Variants in WDR59 observed in about 807,000 individuals in gnomAD.
WDR59 encodes the protein GATOR2 complex protein WDR59.
A neutral mutation model predicts 131.2 loss-of-function variants in WDR59; 100 were observed. That is an observed-to-expected ratio of 0.76 (90% CI 0.65 to 0.90). The LOEUF is 0.90. WDR59 is among the 40% of genes least tolerant of loss of function. WDR59 has a pLI of 0.00. For synonymous variants in WDR59, 601 were observed against 466.2 expected (o/e 1.29, Z -3.72); for missense variants, 1,203 against 1,262.2 (o/e 0.95, Z 0.71).
chr16:74,970,494 CCAAAAAAAAAAAAAAAAAAAAA>C (rs1337954645), intron 1 of WDR59, among the ~76,000 whole-genome samples: 5 of 103,822 alleles, frequency 4.8e-5, no homozygotes, highest in African/African-American at 9.3e-5. Context: ...GACTCTGTCT[CCAAAAAAAAAAAAAAAAAAAAA>C]AAAAAAAAAA....
rs1433583872 is a variant in WDR59 at position 74,923,990 on chromosome 16, C to A, written c.665G>T (p.Arg222Leu). 6.2e-7 allele frequency: 1 copy of A among 1,613,188 alleles called. No individual in the cohort carries two copies. Among genetic ancestry groups the A allele is most frequent in the African/African-American group, 1.3e-5 (1 of 74,870 alleles). The change falls in exon 9 of 26, where the codon CGC (arginine) becomes CTC (leucine). Residue 222 changes from arginine (R) to leucine (L), a missense_variant. Physicochemically the swap from Arg to Leu is moderately radical, Grantham distance 102. Transcript: ENST00000262144. ...AATATTGAGGTATTTCCGAGGCTGG[C>A]GGTAATCCCAGAACTAGAAGAGAGC... Reference protein sequence around the residue: ...QDNSVKFWDYRQPRKYLNILP... With the variant: ...QDNSVKFWDYLQPRKYLNILP...
intron 7 of WDR59, among the ~76,000 whole-genome samples, chr16:74,939,584 A>G (rs2032064135): frequency 6.6e-6 from 1 of 152,084 alleles, no homozygotes; most frequent in African/African-American, 2.4e-5. Context: ...CCAAAATGTT[A>G]GCATTTGTCT....
intron 1 of WDR59, among the ~76,000 whole-genome samples, chr16:74,981,523 A>T (rs2034402890): frequency 1.3e-5 from 2 of 149,380 alleles, no homozygotes; most frequent in Non-Finnish European, 3.0e-5. Flanking sequence ...GCACCACTGC[A>T]TTCCAGCCTG....
chr16:74,896,435 C>T (rs1441883865), intron 18 of WDR59, among the ~76,000 whole-genome samples: 5 of 152,116 alleles, frequency 3.3e-5, no homozygotes, highest in Non-Finnish European at 7.4e-5. Flanking sequence ...TCGAGACCAG[C>T]CCGGCCCTGG....
chr16:74,974,517 C>T lies in WDR59; in HGVS notation c.55-8695G>A, dbSNP rs979960829. 1.3e-4 allele frequency among the ~76,000 whole-genome samples: 19 copies of T among 151,954 alleles called. 1 individual carries two copies. In the South Asian group the frequency reaches 1.5e-3, roughly 12 times the overall value. On this transcript the variant is annotated intron_variant, in intron 1 of 25. Transcript: ENST00000262144. ...AGTATGCAGAAAAGAGTTGGCACAGCGGGCATGAGGCTACTACTATCCTTG... is the reference window on the plus strand; with the variant it reads ...AGTATGCAGAAAAGAGTTGGCACAGTGGGCATGAGGCTACTACTATCCTTG...
At chr16:74,908,639 G>A in intron 17 of WDR59, 1 of 364,066 alleles carries the variant, frequency 2.7e-6, no homozygotes, top group Admixed American at 4.6e-5. Context: ...AGCAATAGGG[G>A]AAAGGCACAT....
At chr16:74,942,646 C>T in intron 7 of WDR59, 92 bp downstream of exon 7, 2 of 1,274,700 alleles carry the variant, frequency 1.6e-6, no homozygotes, top group Non-Finnish European at 2.3e-6. Flanking sequence ...GTTCCCCAGA[C>T]TCTCAAGCCA....
intron 1 of WDR59, among the ~76,000 whole-genome samples, chr16:74,968,089 C>T (rs2033845174): frequency 6.6e-6 from 1 of 152,096 alleles, no homozygotes; most frequent in Non-Finnish European, 1.5e-5. Flanking sequence ...CAGATGAACT[C>T]ATAGAAACAA....
chr16:74,928,094 G>C (rs2031026470), intron 8 of WDR59, among the ~76,000 whole-genome samples: 1 of 151,418 alleles, frequency 6.6e-6, no homozygotes, highest in Non-Finnish European at 1.5e-5. Flanking sequence ...TTTTAGTAGA[G>C]ACAGGGTTTC....
chr16:74,915,998 G>A lies in WDR59; in HGVS notation c.1100-4C>T, dbSNP rs770943087. The A allele has an allele frequency of 6.2e-7, 1 of 1,614,202 alleles. No homozygotes were observed. The highest frequency in any genetic ancestry group is 8.5e-7 in the Non-Finnish European group (1 of 1,180,034). The stretch of plus-strand genomic sequence containing the variant: ...CTAGGGGGATCTTCTTTTAGGGCTA[G>A]CAGGAGAGAGAAGTTCAATGTTGGA... On this transcript the variant is annotated splice_region_variant and splice_polypyrimidine_tract_variant and intron_variant, in intron 12 of 25. Coordinates refer to ENST00000262144, the MANE Select transcript of WDR59 (RefSeq NM_030581.4).
At chr16:74,904,615 T>C (rs1326484998) in intron 17 of WDR59, among the ~76,000 whole-genome samples, 1 of 150,320 alleles carries the variant, frequency 6.7e-6, no homozygotes, top group Non-Finnish European at 1.5e-5. Flanking sequence ...ATCTACAGAG[T>C]CAACACAATT....
chr16:74,964,109 G>A (rs928939239), intron 2 of WDR59, among the ~76,000 whole-genome samples: 9 of 152,000 alleles, frequency 5.9e-5, no homozygotes, highest in African/African-American at 1.7e-4. Flanking sequence ...TGCCAAGCAC[G>A]GTGGCTCACA....
chr16:74,918,049 T>G lies in WDR59; in HGVS notation c.887-41A>C, dbSNP rs1207458970. 7 of 1,592,448 alleles carry G rather than the reference T, an allele frequency of 4.4e-6. No individual in the cohort carries two copies. The South Asian group carries it at 6.6e-5, about 15-fold the overall frequency. ...TAAGAATCCTGGAAATTCTTCTGGATTCAACGTCTATTTGCTAGAGGTTGA... is the reference window on the plus strand; with the variant it reads ...TAAGAATCCTGGAAATTCTTCTGGAGTCAACGTCTATTTGCTAGAGGTTGA... On this transcript the variant is annotated intron_variant, in intron 10 of 25. Coordinates refer to ENST00000262144, the MANE Select transcript of WDR59 (RefSeq NM_030581.4).
chr16:74,946,184 T>C (rs1367855297), intron 6 of WDR59, among the ~76,000 whole-genome samples: 1 of 152,204 alleles, frequency 6.6e-6, no homozygotes, highest in Non-Finnish European at 1.5e-5. Context: ...TTGTTGCTGT[T>C]AATCACTTAC....
chr16:74,959,434 G>T (rs1282472064), intron 2 of WDR59: 2 of 394,336 alleles, frequency 5.1e-6, no homozygotes, highest in Non-Finnish European at 9.9e-6. Flanking sequence ...GTCACCGGAG[G>T]AAACCTGAAG....
At chr16:74,927,077 C>T (rs2030888903) in intron 8 of WDR59, among the ~76,000 whole-genome samples, 1 of 152,152 alleles carries the variant, frequency 6.6e-6, no homozygotes, top group South Asian at 2.1e-4. Flanking sequence ...TGCCTGAGGG[C>T]TGGATGAGGT....
chr16:74,931,998 TC>T (rs2031432485), intron 8 of WDR59, among the ~76,000 whole-genome samples: 1 of 151,878 alleles, frequency 6.6e-6, no homozygotes. Flanking sequence ...AATTATAATT[TC>T]AAAATCTTTA....
At chr16:74,891,463 C>T (rs1451861670) in intron 20 of WDR59, among the ~76,000 whole-genome samples, 3 of 152,176 alleles carry the variant, frequency 2.0e-5, no homozygotes, top group African/African-American at 7.2e-5. Flanking sequence ...AAGTTAATGA[C>T]TTTCTGGGAT....
intron 5 of WDR59, 54 bp from the exon 6 acceptor site, chr16:74,948,610 T>C: frequency 1.4e-6 from 2 of 1,437,510 alleles, no homozygotes; most frequent in Non-Finnish European, 9.8e-7. Flanking sequence ...ACCACCCACC[T>C]GGTATTTTTC....
Sources: gnomAD v4.1 joint callset for allele counts (sites outside exome capture counted in the v4.1 genomes callset) on GRCh38, gnomAD v4.1.1 for gene constraint, MANE v1.5 for transcripts, NCBI Gene and HGNC (gene_info 2026-07-23, HGNC 2026-07-21) for gene names.